Variants in CLDN20 observed in about 807,000 individuals in gnomAD.
CLDN20 encodes claudin-20.
For missense variants in CLDN20, 258 were observed against 267.9 expected (o/e 0.96, Z 0.26); for synonymous variants, 104 against 103.6 (o/e 1.00, Z -0.03).
chr6:155,275,709 A>G lies in CLDN20; in HGVS notation c.-11A>G, dbSNP rs1785158731. ...AGGATTTTCTAAGAGGACAGACTTA[A>G]CAGTAACATCATGGCCTCAGCAGGA... On this transcript the variant is annotated 5_prime_UTR_variant, in exon 2 of 2. Transcript: ENST00000367165. 6.2e-7 allele frequency: 1 copy of G among 1,606,688 alleles called. No homozygotes were observed. Among genetic ancestry groups the G allele is most frequent in the Non-Finnish European group, 8.5e-7 (1 of 1,176,024 alleles).
chr6:155,274,193 G>A (rs1169253811), intron 1 of CLDN20, among the ~76,000 whole-genome samples: 1 of 152,100 alleles, frequency 6.6e-6, no homozygotes, highest in African/African-American at 2.4e-5. Context: ...TATGAATCAC[G>A]ACAGAGCCAC....
At chr6:155,269,154 G>A (rs558491525) in intron 1 of CLDN20, among the ~76,000 whole-genome samples, 1 of 151,728 alleles carries the variant, frequency 6.6e-6, no homozygotes, top group Non-Finnish European at 1.5e-5. Context: ...AAGAGAGGTA[G>A]GACTTACAAA....
intron 1 of CLDN20, among the ~76,000 whole-genome samples, chr6:155,265,361 G>A (rs1784581753): frequency 6.6e-6 from 1 of 152,152 alleles, no homozygotes; most frequent in Non-Finnish European, 1.5e-5. Flanking sequence ...ATTATTAAAA[G>A]ACTGAGAAAT....
chr6:155,272,792 G>T (rs1455759922), intron 1 of CLDN20, among the ~76,000 whole-genome samples: 2 of 152,072 alleles, frequency 1.3e-5, no homozygotes, highest in African/African-American at 4.8e-5. Flanking sequence ...ACGTCATATT[G>T]TTTACACTGA....
At chr6:155,275,575 ACTTT>A (rs1785150142) in intron 1 of CLDN20, 37 bp from the exon 2 acceptor site, 6 of 768,816 alleles carry the variant, frequency 7.8e-6, no homozygotes, top group South Asian at 3.5e-5. Flanking sequence ...TTGTTTACTT[ACTTT>A]CTTTCGCTCA....
intron 1 of CLDN20, among the ~76,000 whole-genome samples, chr6:155,267,118 G>A (rs1247780439): frequency 1.3e-5 from 2 of 151,912 alleles, no homozygotes; most frequent in Non-Finnish European, 2.9e-5. Context: ...GGAAATACAG[G>A]TGGGTGGCAC....
chr6:155,270,014 T>C (rs1439005944), intron 1 of CLDN20, among the ~76,000 whole-genome samples: 3 of 152,332 alleles, frequency 2.0e-5, no homozygotes, highest in Non-Finnish European at 2.9e-5. Flanking sequence ...TGCGCTACAG[T>C]GGAAGCAGAA....
At position 155,276,506 on chromosome 6, in the gene CLDN20, A is replaced by G; in HGVS notation, c.*127A>G. Reference sequence around the variant, plus strand: ...TAGAATGTAAAATACTTTAACAACTACAAAGTAGTTTAAAATGCCAATAAA... The same window carrying G: ...TAGAATGTAAAATACTTTAACAACTGCAAAGTAGTTTAAAATGCCAATAAA... On this transcript the variant is annotated 3_prime_UTR_variant, in exon 2 of 2. Coordinates refer to ENST00000367165, the MANE Select transcript of CLDN20 (RefSeq NM_001001346.3). 2.3e-6 allele frequency: 2 copies of G among 855,404 alleles called. No homozygotes were observed. The highest frequency in any genetic ancestry group is 1.9e-5 in the South Asian group (1 of 54,052). 53.0% of individuals were successfully genotyped at this position (855,404 alleles called of 1,614,324 possible). A position where few individuals can be genotyped will look rare whatever the true frequency, so the allele number is the denominator to read the frequency against.
At chr6:155,273,785 G>A (rs548875271) in intron 1 of CLDN20, among the ~76,000 whole-genome samples, 2 of 152,168 alleles carry the variant, frequency 1.3e-5, no homozygotes, top group African/African-American at 4.8e-5. Flanking sequence ...ATGACATGGG[G>A]TGATATCCTA....
chr6:155,268,057 G>A (rs1384286956), intron 1 of CLDN20, among the ~76,000 whole-genome samples: 1 of 152,076 alleles, frequency 6.6e-6, no homozygotes, highest in Non-Finnish European at 1.5e-5. Context: ...AGATGCCCTT[G>A]ACTACATTAT....
At chr6:155,274,053 C>T (rs1785059162) in intron 1 of CLDN20, among the ~76,000 whole-genome samples, 1 of 152,126 alleles carries the variant, frequency 6.6e-6, no homozygotes, top group South Asian at 2.1e-4. Context: ...ACTTATTTAA[C>T]CCTATGAACG....
intron 1 of CLDN20, among the ~76,000 whole-genome samples, chr6:155,269,181 T>G (rs1487623201): frequency 6.6e-6 from 1 of 151,790 alleles, no homozygotes. Flanking sequence ...CTTTTCTAAT[T>G]AGAGGTGGGG....
chr6:155,275,797 G>T lies in CLDN20; in HGVS notation c.78G>T (p.Leu26=). ...SGVSGVLTAT[L]LPNWKVNVDV... is the part of the protein sequence containing the mutation. ...TCTCTGGAGTGCTCACAGCCACTCTGCTGCCCAACTGGAAGGTGAATGTGG... is the reference window on the plus strand; with the variant it reads ...TCTCTGGAGTGCTCACAGCCACTCTTCTGCCCAACTGGAAGGTGAATGTGG... The change falls in exon 2 of 2, where the codon CTG becomes CTT. Residue 26 remains leucine, a synonymous_variant. Coordinates refer to ENST00000367165, the MANE Select transcript of CLDN20 (RefSeq NM_001001346.3). 6.2e-7 allele frequency: 1 copy of T among 1,614,132 alleles called. No homozygotes were observed. Among genetic ancestry groups the T allele is most frequent in the African/African-American group, 1.3e-5 (1 of 75,034 alleles).
At chr6:155,272,519 T>TACC (rs1431608885) in intron 1 of CLDN20, among the ~76,000 whole-genome samples, 1 of 151,774 alleles carries the variant, frequency 6.6e-6, no homozygotes, top group East Asian at 1.9e-4. Flanking sequence ...AGTATTTCTC[T>TACC]ACCACCACCA....
At chr6:155,268,118 C>T (rs901576348) in intron 1 of CLDN20, among the ~76,000 whole-genome samples, 1 of 152,136 alleles carries the variant, frequency 6.6e-6, no homozygotes, top group South Asian at 2.1e-4. Context: ...ATCTTGAATC[C>T]ATTTCCTATG....
chr6:155,271,157 C>T (rs1351896497), intron 1 of CLDN20, among the ~76,000 whole-genome samples: 1 of 152,158 alleles, frequency 6.6e-6, no homozygotes, highest in African/African-American at 2.4e-5. Flanking sequence ...TAAAGTCTAA[C>T]ATGGTTATTA....
chr6:155,276,342 A>C lies in CLDN20; in HGVS notation c.623A>C (p.Glu208Ala), dbSNP rs754645889. 6.2e-7 allele frequency: 1 copy of C among 1,613,500 alleles called. No homozygotes were observed. The highest frequency in any genetic ancestry group is 2.2e-5 in the East Asian group (1 of 44,884). Residue 208 changes from glutamate (E) to alanine (A), a missense_variant, in exon 2 of 2, where the codon GAG becomes GCG. Glu to Ala is a moderately radical substitution (Grantham distance 107). Coordinates refer to ENST00000367165, the MANE Select transcript of CLDN20 (RefSeq NM_001001346.3). ...CAGCCTATCTCTAACACACAGCTCGAGAACAATTCCACACACAATCTGAAG... is the reference window on the plus strand; with the variant it reads ...CAGCCTATCTCTAACACACAGCTCGCGAACAATTCCACACACAATCTGAAG... Reference protein sequence around the residue: ...TQQPISNTQLENNSTHNLKDY... With the variant: ...TQQPISNTQLANNSTHNLKDY...
In CLDN20 at chr6:155,269,324, C is replaced by CTTTTTTTTTTTTTT. The variant is rs60162262; in HGVS notation, c.-105+5038_-105+5051dup. On this transcript the variant is annotated intron_variant, in intron 1 of 1. Coordinates refer to ENST00000367165, the MANE Select transcript of CLDN20 (RefSeq NM_001001346.3). ...GCTTAGTTTTCTTTTCTTTTCTTTT[C>CTTTTTTTTTTTTTT]TTTTTTTTTTTTTTTGAGATGGAGT... 5.4e-4 allele frequency among the ~76,000 whole-genome samples: 69 copies of CTTTTTTTTTTTTTT among 127,218 alleles called. 1 individual carries two copies. The highest frequency in any genetic ancestry group is 1.8e-3 in the East Asian group (8 of 4,342). 83.5% of individuals were successfully genotyped at this position (127,218 alleles called of 152,430 possible).
At chr6:155,268,759 C>CAT (rs1366563795) in intron 1 of CLDN20, among the ~76,000 whole-genome samples, 2 of 149,420 alleles carry the variant, frequency 1.3e-5, no homozygotes, top group East Asian at 2.0e-4. Flanking sequence ...AGCATGCTTG[C>CAT]TAAGAGTCAT....
Sources: gnomAD v4.1 joint callset for allele counts (sites outside exome capture counted in the v4.1 genomes callset) on GRCh38, gnomAD v4.1.1 for gene constraint, MANE v1.5 for transcripts, NCBI Gene and HGNC (gene_info 2026-07-23, HGNC 2026-07-21) for gene names.